The following TLL1 variants were observed in gnomAD, a reference collection of about 807,000 sequenced individuals.
TLL1 encodes tolloid like 1.
TLL1 carries 49 observed loss-of-function variants against 128.2 expected under a neutral mutation model. The ratio of observed to expected loss-of-function variants is 0.38; its 90% CI spans 0.30 to 0.48. The LOEUF (loss-of-function observed/expected upper bound fraction) is 0.48. Among genes scored for constraint, TLL1 ranks in the 20% least tolerant of loss-of-function variants. The pLI is 0.96. For synonymous variants in TLL1, 454 were observed against 418.8 expected (o/e 1.08, Z -1.03); for missense variants, 1,123 against 1,242.0 (o/e 0.90, Z 1.44).
intron 3 of TLL1, among the ~76,000 whole-genome samples, chr4:165,993,117 G>A (rs1736718522): frequency 6.6e-6 from 1 of 151,890 alleles, no homozygotes; most frequent in African/African-American, 2.4e-5. Context: ...ATTTAAACAT[G>A]TATCAGGTGT....
At chr4:165,955,334 A>C (rs1222102383) in intron 1 of TLL1, among the ~76,000 whole-genome samples, 1 of 152,102 alleles carries the variant, frequency 6.6e-6, no homozygotes, top group Non-Finnish European at 1.5e-5. Flanking sequence ...TTCCTGAGAG[A>C]TAAGAGAGAG....
chr4:166,029,414 A>T (rs1738651912), intron 9 of TLL1, among the ~76,000 whole-genome samples: 2 of 152,014 alleles, frequency 1.3e-5, no homozygotes, highest in Admixed American at 1.3e-4. Context: ...CAAATGAGAC[A>T]CTATTGTCTT....
chr4:166,030,844 T>G, intron 9 of TLL1: 1 of 1,003,278 alleles, frequency 1.0e-6, no homozygotes, highest in Non-Finnish European at 1.2e-6. Flanking sequence ...ATTAGCGTTT[T>G]TGTTTTTTTC....
At chr4:165,912,845 A>T (rs1732599461) in intron 1 of TLL1, among the ~76,000 whole-genome samples, 1 of 152,084 alleles carries the variant, frequency 6.6e-6, no homozygotes, top group Non-Finnish European at 1.5e-5. Context: ...AGAAAATTAC[A>T]TTTGAAATTA....
At chr4:165,916,967 A>T (rs1385799990) in intron 1 of TLL1, among the ~76,000 whole-genome samples, 1 of 152,056 alleles carries the variant, frequency 6.6e-6, no homozygotes, top group East Asian at 1.9e-4. Context: ...CCATTTGTTA[A>T]TTTTTATTCT....
chr4:165,997,231 G>T (rs536797655), intron 5 of TLL1, among the ~76,000 whole-genome samples: 1 of 152,176 alleles, frequency 6.6e-6, no homozygotes, highest in East Asian at 1.9e-4. Flanking sequence ...TAGTTGGTGT[G>T]CACAAAGTAC....
At chr4:166,000,585 C>T (rs1335422231) in intron 5 of TLL1, among the ~76,000 whole-genome samples, 1 of 152,074 alleles carries the variant, frequency 6.6e-6, no homozygotes, top group Admixed American at 6.6e-5. Flanking sequence ...ACTATATTCC[C>T]TGAATAAAGC....
intron 1 of TLL1, among the ~76,000 whole-genome samples, chr4:165,968,537 A>C (rs1013754031): frequency 1.4e-4 from 22 of 152,130 alleles, no homozygotes; most frequent in Non-Finnish European, 2.9e-5. Context: ...TTCAATCCTT[A>C]CTCTTTTTGA....
At chr4:165,979,348 T>C (rs1736034670) in intron 1 of TLL1, among the ~76,000 whole-genome samples, 1 of 152,090 alleles carries the variant, frequency 6.6e-6, no homozygotes, top group Admixed American at 6.6e-5. Flanking sequence ...TAAGAAAAGC[T>C]GTAGTCAAAT....
chr4:165,881,053 G>A (rs1730946272), intron 1 of TLL1, among the ~76,000 whole-genome samples: 1 of 152,188 alleles, frequency 6.6e-6, no homozygotes, highest in South Asian at 2.1e-4. Context: ...ATTCTTTTCA[G>A]AGCACAAATA....
chr4:166,082,411 C>T lies in TLL1; in HGVS notation c.2442+4381C>T, dbSNP rs114882141. 7.1e-3 allele frequency among the ~76,000 whole-genome samples: 1,077 copies of T among 152,216 alleles called. 10 individuals carry two copies. The highest frequency in any genetic ancestry group is 8.9e-3 in the Non-Finnish European group (607 of 68,002). ...TCTTGCCATTTTGACATTATAATTGCTTGTGTTTCCCCGATTGACTTTCTG... is the reference window on the plus strand; with the variant it reads ...TCTTGCCATTTTGACATTATAATTGTTTGTGTTTCCCCGATTGACTTTCTG... On this transcript the variant is annotated intron_variant, in intron 18 of 20. Coordinates refer to ENST00000061240, the MANE Select transcript of TLL1 (RefSeq NM_012464.5).
intron 1 of TLL1, chr4:165,919,722 ATGT>A (rs1294446754): frequency 2.3e-6 from 1 of 434,538 alleles, no homozygotes; most frequent in East Asian, 7.2e-5. Flanking sequence ...TGGCGGGATA[ATGT>A]TGTAGTCTGA....
chr4:166,051,295 C>CCTTCCTTCCTTCCTTCCTTCCTTCCT (rs1739716330), intron 12 of TLL1, among the ~76,000 whole-genome samples: 1 of 131,504 alleles, frequency 7.6e-6, no homozygotes, highest in South Asian at 2.7e-4. Flanking sequence ...TCTTCCCTCC[C>CCTTCCTTCCTTCCTTCCTTCCTTCCT]TCCTTTCCTT....
At chr4:166,099,639 A>AT in intron 20 of TLL1, 112 bp downstream of exon 20, 1 of 1,437,740 alleles carries the variant, frequency 7.0e-7, no homozygotes, top group East Asian at 2.3e-5. Context: ...AAAAAAAAAA[A>AT]AAAGGCTACA....
At chr4:165,957,885 C>T (rs1044434079) in intron 1 of TLL1, among the ~76,000 whole-genome samples, 1 of 121,566 alleles carries the variant, frequency 8.2e-6, no homozygotes, top group African/African-American at 3.1e-5. Flanking sequence ...ACAACAGTCC[C>T]CAGAGTGATG....
chr4:166,066,615 T>G (rs1292250294), intron 16 of TLL1, among the ~76,000 whole-genome samples: 1 of 151,924 alleles, frequency 6.6e-6, no homozygotes. Flanking sequence ...TAATTTGGAT[T>G]GAGTTAATTC....
At chr4:165,947,801 G>A (rs1231366791) in intron 1 of TLL1, among the ~76,000 whole-genome samples, 1 of 152,084 alleles carries the variant, frequency 6.6e-6, no homozygotes, top group Non-Finnish European at 1.5e-5. Flanking sequence ...CTGTAGGAAG[G>A]CATCTGGTCT....
At position 166,008,000 on chromosome 4, in the gene TLL1, G is replaced by C; in HGVS notation, c.869G>C (p.Arg290Thr). 1 of 1,609,996 alleles carries C rather than the reference G, an allele frequency of 6.2e-7. No homozygotes were observed. The highest frequency in any genetic ancestry group is 2.2e-5 in the East Asian group (1 of 44,736). ...GGAGAAGTAAACTCACTTGGAGAAA[G>C]ATATGATTTCGACAGTATCATGCAC... Reference protein sequence around the residue: ...EPGEVNSLGERYDFDSIMHYA... With the variant: ...EPGEVNSLGETYDFDSIMHYA... Residue 290 changes from arginine to threonine, a missense_variant, in exon 7 of 21, where the codon AGA (arginine) becomes ACA (threonine). Transcript: ENST00000061240.
chr4:166,100,678 A>G, intron 20 of TLL1, 64 bp from the exon 21 acceptor site: 1 of 1,602,668 alleles, frequency 6.2e-7, no homozygotes, highest in Non-Finnish European at 8.5e-7. Flanking sequence ...CATGCGTTAC[A>G]CTGAAGAAAA....
Sources: gnomAD v4.1 joint callset for allele counts (sites outside exome capture counted in the v4.1 genomes callset) on GRCh38, gnomAD v4.1.1 for gene constraint, MANE v1.5 for transcripts, NCBI Gene and HGNC (gene_info 2026-07-23, HGNC 2026-07-21) for gene names.